CERS6: variants seen among roughly 807,000 people sequenced by gnomAD.
The protein encoded by CERS6 is LAG1 homolog, ceramide synthase 6.
In CERS6, 26 loss-of-function variants were observed where a neutral mutation model predicts 56.8. The ratio of observed to expected loss-of-function variants is 0.46; its 90% confidence interval spans 0.34 to 0.63. The LOEUF is 0.63. Among genes scored for constraint, CERS6 ranks in the 30% least tolerant of loss-of-function variants. The probability of loss-of-function intolerance (pLI) is 0.01; values close to 1 mark genes in which losing one functional copy is unlikely to be tolerated. For synonymous variants in CERS6, 164 were observed against 173.3 expected (o/e 0.95, Z 0.42); for missense variants, 415 against 467.5 (o/e 0.89, Z 1.04).
intron 6 of CERS6, among the ~76,000 whole-genome samples, chr2:168,714,162 G>A (rs1559063923): frequency 6.6e-6 from 1 of 152,080 alleles, no homozygotes; most frequent in Non-Finnish European, 1.5e-5. Context: ...CTTTTACAAG[G>A]GCACTAACCC....
chr2:168,628,267 T>A (rs1031661894), intron 3 of CERS6, among the ~76,000 whole-genome samples: 4 of 152,176 alleles, frequency 2.6e-5, no homozygotes, highest in African/African-American at 9.6e-5. Flanking sequence ...GAGATATTCA[T>A]CTAGACCTGC....
chr2:168,647,334 T>G (rs1574127030), intron 4 of CERS6, among the ~76,000 whole-genome samples: 1 of 152,184 alleles, frequency 6.6e-6, no homozygotes, highest in African/African-American at 2.4e-5. Flanking sequence ...CTGTTGTTGG[T>G]GTATAGGAAT....
chr2:168,456,327 GC>G lies in CERS6; in HGVS notation c.-121del. ...GCCGCGGAGGAGGCGGCGGCGGCGGGCGGGAGCAGCGGCGGCGGCGGCACAG... is the reference window on the plus strand; with the variant it reads ...GCCGCGGAGGAGGCGGCGGCGGCGGGGGGAGCAGCGGCGGCGGCGGCACAG... On this transcript the variant is annotated 5_prime_UTR_variant, in exon 1 of 10. Coordinates refer to ENST00000305747, the MANE Select transcript of CERS6 (RefSeq NM_203463.3). The surrounding 1 kb of genome is among the most constrained non-coding windows in gnomAD (Gnocchi z 4.1). 5.9e-6 allele frequency: 3 copies of G among 505,398 alleles called. No individual in the cohort carries two copies. Among genetic ancestry groups the G allele is most frequent in the Non-Finnish European group, 8.3e-6 (3 of 359,794 alleles). 31.3% of individuals were successfully genotyped at this position (505,398 alleles called of 1,614,324 possible). A position where few individuals can be genotyped will look rare whatever the true frequency, so the allele number is the denominator to read the frequency against.
At chr2:168,714,226 C>T (rs1358675770) in intron 6 of CERS6, among the ~76,000 whole-genome samples, 1 of 152,210 alleles carries the variant, frequency 6.6e-6, no homozygotes, top group Non-Finnish European at 1.5e-5. Context: ...TACCCCACCT[C>T]CTAATATTAT....
chr2:168,691,350 T>A (rs1045590774), intron 5 of CERS6, among the ~76,000 whole-genome samples: 1 of 152,214 alleles, frequency 6.6e-6, no homozygotes. Context: ...TTAGTTCAAC[T>A]GGTGGAAATT....
chr2:168,544,812 A>T (rs1484692045), intron 1 of CERS6, among the ~76,000 whole-genome samples: 7 of 152,050 alleles, frequency 4.6e-5, no homozygotes, highest in Non-Finnish European at 1.0e-4. Flanking sequence ...GAACAGTTGG[A>T]TGGAGGGTAA....
chr2:168,630,950 C>G lies in CERS6; in HGVS notation c.408-35C>G, dbSNP rs750600976. 4.6e-6 allele frequency: 5 copies of G among 1,087,764 alleles called. 1 individual carries two copies. In the South Asian group the frequency reaches 7.0e-5, roughly 15 times the overall value. 67.4% of individuals were successfully genotyped at this position (1,087,764 alleles called of 1,614,324 possible). On this transcript the variant is annotated intron_variant, in intron 3 of 9. Coordinates refer to ENST00000305747, the MANE Select transcript of CERS6 (RefSeq NM_203463.3). ...TCAGTATATGCTGTGAATATATAAA[C>G]TGAATGTCACAGATTTTTTTTTAAC...
At chr2:168,594,024 T>C (rs1683737058) in intron 3 of CERS6, among the ~76,000 whole-genome samples, 1 of 152,264 alleles carries the variant, frequency 6.6e-6, no homozygotes, top group Admixed American at 6.5e-5. Context: ...GTTTTTGTTT[T>C]ATTTAAAAAC....
At chr2:168,633,659 T>A (rs1367802721) in intron 4 of CERS6, among the ~76,000 whole-genome samples, 1 of 152,208 alleles carries the variant, frequency 6.6e-6, no homozygotes, top group Non-Finnish European at 1.5e-5. Context: ...ATGTATATTT[T>A]AAAAATATTT....
At chr2:168,768,831 A>C (rs1178021110) in intron 9 of CERS6, among the ~76,000 whole-genome samples, 1 of 149,112 alleles carries the variant, frequency 6.7e-6, no homozygotes, top group African/African-American at 2.5e-5. Flanking sequence ...GCCTGAACCC[A>C]GGAGGCGGAG....
intron 3 of CERS6, among the ~76,000 whole-genome samples, chr2:168,612,932 T>C (rs1684224194): frequency 1.3e-5 from 2 of 152,224 alleles, no homozygotes; most frequent in African/African-American, 4.8e-5. Context: ...ACAGCCTGGC[T>C]TACAGGTCTG....
intron 3 of CERS6, among the ~76,000 whole-genome samples, chr2:168,594,704 A>C (rs920079903): frequency 6.6e-6 from 1 of 151,966 alleles, no homozygotes; most frequent in African/African-American, 2.4e-5. Context: ...TCAAAGCCCA[A>C]CTCAGGTCAT....
intron 8 of CERS6, among the ~76,000 whole-genome samples, chr2:168,732,504 T>C (rs1333915893): frequency 2.0e-5 from 3 of 152,192 alleles, no homozygotes; most frequent in African/African-American, 4.8e-5. Flanking sequence ...TCTCCCCAAA[T>C]CAAGGAAAAA....
rs538571360 is a variant in CERS6 at position 168,483,890 on chromosome 2, C to T, written c.170+27272C>T. Among the ~76,000 whole-genome samples, 20 of 152,284 alleles carry T rather than the reference C, an allele frequency of 1.3e-4. No homozygotes were observed. In the East Asian group the frequency reaches 3.9e-3, roughly 29 times the overall value. On this transcript the variant is annotated intron_variant, in intron 1 of 9. Transcript: ENST00000305747. ...CATGAGACCAGAAGGCTGGGTCCCA[C>T]CTCCAGAATTTCTGAATCAGTAGAT...
intron 1 of CERS6, among the ~76,000 whole-genome samples, chr2:168,492,823 T>G (rs1558970397): frequency 6.6e-6 from 1 of 152,160 alleles, no homozygotes; most frequent in East Asian, 1.9e-4. Flanking sequence ...ATTAAAAAGT[T>G]TGTCCTGTCA....
chr2:168,771,973 T>C lies in CERS6; in HGVS notation c.*2311T>C, dbSNP rs1004042218. On this transcript the variant is annotated 3_prime_UTR_variant, in exon 10 of 10. Transcript: ENST00000305747. ...GTCTATGTTATCCAGAGATTTTTAT[T>C]TCATTTTACATTTTAGGGCACAGTT... The C allele has an allele frequency of 1.3e-5, 2 of 152,208 alleles. No individual in the cohort carries two copies. Among genetic ancestry groups the C allele is most frequent in the African/African-American group, 4.8e-5 (2 of 41,456 alleles). The allele number at this position is 152,208 out of a possible 1,614,324, so 9.4% of individuals were successfully genotyped here.
chr2:168,542,195 AAG>A (rs1444351316), intron 1 of CERS6, among the ~76,000 whole-genome samples: 1 of 152,244 alleles, frequency 6.6e-6, no homozygotes, highest in Non-Finnish European at 1.5e-5. Context: ...ACACGACAAA[AAG>A]AGAATGTCCC....
In CERS6 at chr2:168,735,502, G is replaced by A. The variant is rs558449655; in HGVS notation, c.845+17524G>A. Among the ~76,000 whole-genome samples the A allele has an allele frequency of 8.7e-4, 132 of 152,216 alleles. 1 individual carries two copies. The Middle Eastern group carries it at 0.01, about 12-fold the overall frequency. ...ATCAGACCGTTTCAGGGCTCTATGA[G>A]TGTGATCCTTGGACATGAAACAGTT... On this transcript the variant is annotated intron_variant, in intron 8 of 9. Coordinates refer to ENST00000305747, the MANE Select transcript of CERS6 (RefSeq NM_203463.3).
Position 168,555,342 on chromosome 2 carries a change from C to T in CERS6, c.277-5850C>T, listed in dbSNP as rs371783109. On this transcript the variant is annotated intron_variant, in intron 2 of 9. Transcript: ENST00000305747. ...GAAAACATTGGTAATGAAAGTACTACCTTTATGTGCTATGCTGCAAAAGTG... is the reference window on the plus strand; with the variant it reads ...GAAAACATTGGTAATGAAAGTACTATCTTTATGTGCTATGCTGCAAAAGTG... 5.1e-4 allele frequency among the ~76,000 whole-genome samples: 77 copies of T among 151,788 alleles called. 1 individual carries two copies. Among genetic ancestry groups the T allele is most frequent in the Admixed American group, 1.4e-3 (21 of 15,246 alleles).
Sources: allele counts gnomAD v4.1 joint callset (sites outside exome capture counted in the v4.1 genomes callset), GRCh38; gene constraint gnomAD v4.1.1; non-coding constraint Gnocchi (gnomAD v3.1); transcripts MANE v1.5; gene names NCBI Gene and HGNC (gene_info 2026-07-23, HGNC 2026-07-21).